Variants in FBXL17 observed in about 807,000 individuals in gnomAD.
FBXL17 encodes F-box/LRR-repeat protein 17.
In FBXL17, 22 loss-of-function variants were observed where a neutral mutation model predicts 66.2. The ratio of observed to expected loss-of-function variants is 0.33; its 90% CI spans 0.24 to 0.47. The LOEUF (loss-of-function observed/expected upper bound fraction) is 0.47. Ranked by LOEUF, FBXL17 falls within the 20% of genes least tolerant of loss-of-function variation. FBXL17 has a pLI of 1.00. For synonymous variants in FBXL17, 474 were observed against 400.5 expected (o/e 1.18, Z -2.19); for missense variants, 878 against 948.2 (o/e 0.93, Z 0.97).
chr5:108,373,971 A>G (rs1029231980), intron 1 of FBXL17, among the ~76,000 whole-genome samples: 2 of 152,234 alleles, frequency 1.3e-5, no homozygotes, highest in African/African-American at 4.8e-5. Context: ...CAATCCAATT[A>G]TATACTGTTT....
intron 4 of FBXL17, among the ~76,000 whole-genome samples, chr5:108,254,248 G>C (rs1756480342): frequency 6.6e-6 from 1 of 152,134 alleles, no homozygotes; most frequent in Non-Finnish European, 1.5e-5. Flanking sequence ...AAGAAAGAAT[G>C]AACAAGATTT....
In FBXL17 at chr5:108,381,769, C is replaced by A; in HGVS notation, c.-78G>T. 6 of 1,368,384 alleles carry A rather than the reference C, an allele frequency of 4.4e-6. No individual in the cohort carries two copies. Among genetic ancestry groups the A allele is most frequent in the Non-Finnish European group, 5.6e-6 (6 of 1,066,450 alleles). 84.8% of individuals were successfully genotyped at this position (1,368,384 alleles called of 1,614,324 possible). On this transcript the variant is annotated 5_prime_UTR_variant, in exon 1 of 9. Coordinates refer to ENST00000542267, the MANE Select transcript of FBXL17 (RefSeq NM_001163315.3). ...GGCGGGCTCCCGGCAGCGGGGCAGGCCGCTCGCTGGCTCGGCCCCCGGAGG... is the reference window on the plus strand; with the variant it reads ...GGCGGGCTCCCGGCAGCGGGGCAGGACGCTCGCTGGCTCGGCCCCCGGAGG...
At chr5:108,210,262 C>T (rs541603273) in intron 5 of FBXL17, among the ~76,000 whole-genome samples, 1 of 152,122 alleles carries the variant, frequency 6.6e-6, no homozygotes, top group Non-Finnish European at 1.5e-5. Flanking sequence ...AAAAAACCAG[C>T]TCCTGGATTC....
chr5:108,301,439 C>CTA (rs149348183), intron 4 of FBXL17, among the ~76,000 whole-genome samples: 10,044 of 151,788 alleles, frequency 0.066, 1,105 homozygotes, highest in African/African-American at 0.23. Flanking sequence ...AACAGCTTAT[C>CTA]TATACTGCAA....
chr5:108,040,585 G>C (rs1181016871), intron 6 of FBXL17, among the ~76,000 whole-genome samples: 1 of 152,124 alleles, frequency 6.6e-6, no homozygotes, highest in Non-Finnish European at 1.5e-5. Flanking sequence ...GACATGCAAA[G>C]ATTTCAAGAA....
At chr5:108,154,765 A>C (rs1322388099) in intron 6 of FBXL17, among the ~76,000 whole-genome samples, 1 of 150,192 alleles carries the variant, frequency 6.7e-6, no homozygotes, top group Non-Finnish European at 1.5e-5. Flanking sequence ...ATGAATGAAA[A>C]GGGTGAAAAG....
intron 7 of FBXL17, among the ~76,000 whole-genome samples, chr5:107,968,643 A>G (rs1752244894): frequency 6.6e-6 from 1 of 152,208 alleles, no homozygotes; most frequent in South Asian, 2.1e-4. Flanking sequence ...TTATTTTAAT[A>G]TAAAACTTAG....
chr5:108,288,872 A>C (rs191211079), intron 4 of FBXL17, among the ~76,000 whole-genome samples: 2 of 152,254 alleles, frequency 1.3e-5, no homozygotes, highest in South Asian at 2.1e-4. Flanking sequence ...ATGTACACTT[A>C]CTACTTTTAA....
chr5:108,029,540 T>G (rs1170415882), intron 6 of FBXL17, among the ~76,000 whole-genome samples: 1 of 152,146 alleles, frequency 6.6e-6, no homozygotes, highest in Non-Finnish European at 1.5e-5. Flanking sequence ...GCAAATCATC[T>G]TTGCTGTAAC....
chr5:107,987,987 T>A (rs1317635130), intron 7 of FBXL17, among the ~76,000 whole-genome samples: 1 of 152,062 alleles, frequency 6.6e-6, no homozygotes, highest in Non-Finnish European at 1.5e-5. Context: ...AAAAGAGTAC[T>A]GTTGGATTTA....
At chr5:108,062,126 T>A (rs757481306) in intron 6 of FBXL17, among the ~76,000 whole-genome samples, 1 of 152,006 alleles carries the variant, frequency 6.6e-6, no homozygotes, top group African/African-American at 2.4e-5. Flanking sequence ...AAAAGGAACA[T>A]CAGTTGCGAA....
chr5:108,181,506 A>G (rs1279973785), intron 6 of FBXL17, among the ~76,000 whole-genome samples: 2 of 152,224 alleles, frequency 1.3e-5, no homozygotes, highest in African/African-American at 4.8e-5. Flanking sequence ...CAAGGACCAG[A>G]AAATGCTAAC....
chr5:108,198,416 A>G (rs1390663517), intron 5 of FBXL17, among the ~76,000 whole-genome samples: 1 of 152,194 alleles, frequency 6.6e-6, no homozygotes, highest in Non-Finnish European at 1.5e-5. Flanking sequence ...CTCTGGTCCT[A>G]AAATAAATAA....
chr5:108,134,790 C>T (rs1177902622), intron 6 of FBXL17, among the ~76,000 whole-genome samples: 1 of 152,170 alleles, frequency 6.6e-6, no homozygotes, highest in Non-Finnish European at 1.5e-5. Context: ...GAATTCCCCA[C>T]AGGTTGGCAG....
At chr5:108,308,137 A>G (rs1193411994) in intron 4 of FBXL17, among the ~76,000 whole-genome samples, 2 of 152,052 alleles carry the variant, frequency 1.3e-5, no homozygotes. Flanking sequence ...GCTGTTTTTC[A>G]CTATCATGAC....
intron 5 of FBXL17, among the ~76,000 whole-genome samples, chr5:108,187,621 GCT>G (rs1220790306): frequency 1.3e-5 from 2 of 152,192 alleles, no homozygotes; most frequent in African/African-American, 4.8e-5. Context: ...AACATGGGCA[GCT>G]TTAGAGTTGG....
intron 4 of FBXL17, among the ~76,000 whole-genome samples, chr5:108,238,376 G>A (rs888012592): frequency 6.6e-6 from 1 of 152,216 alleles, no homozygotes; most frequent in Non-Finnish European, 1.5e-5. Context: ...TATATACAAT[G>A]ATTAAGAAAG....
intron 4 of FBXL17, among the ~76,000 whole-genome samples, chr5:108,233,354 G>A (rs572981618): frequency 4.6e-5 from 7 of 152,100 alleles, no homozygotes; most frequent in Non-Finnish European, 8.8e-5. Flanking sequence ...TTGAAAAGAC[G>A]ATACACTATA....
chr5:108,337,186 G>C (rs936076154), intron 4 of FBXL17, among the ~76,000 whole-genome samples: 1 of 151,206 alleles, frequency 6.6e-6, no homozygotes, highest in Non-Finnish European at 1.5e-5. Context: ...AACCTGGGAG[G>C]CAAAGGTTGC....
Sources: allele counts gnomAD v4.1 joint callset (sites outside exome capture counted in the v4.1 genomes callset), GRCh38; gene constraint gnomAD v4.1.1; transcripts MANE v1.5; gene names NCBI Gene and HGNC (gene_info 2026-07-23, HGNC 2026-07-21).